KBTBD11: variants seen among roughly 807,000 people sequenced by gnomAD.
The protein encoded by KBTBD11 is kelch repeat and BTB domain containing 11.
For missense variants in KBTBD11, 1,390 were observed against 1,001.8 expected (o/e 1.39, Z -5.23); for synonymous variants, 747 against 499.0 (o/e 1.50, Z -6.63).
chr8:2,001,539 A>T lies in KBTBD11; in HGVS notation c.347A>T (p.Asp116Val). 2.8e-6 allele frequency: 4 copies of T among 1,430,714 alleles called. No individual in the cohort carries two copies. Among genetic ancestry groups the T allele is most frequent in the Non-Finnish European group, 3.6e-6 (4 of 1,097,946 alleles). The allele number at this position is 1,430,714 out of a possible 1,614,324, so 88.6% of individuals were successfully genotyped here. A position where few individuals can be genotyped will look rare whatever the true frequency, so the allele number is the denominator to read the frequency against. Residue 116 changes from aspartate (D) to valine (V), a missense_variant, in exon 2 of 2, where the codon GAC becomes GTC. Physicochemically the swap from Asp to Val is radical, Grantham distance 152. Coordinates refer to ENST00000320248, the MANE Select transcript of KBTBD11 (RefSeq NM_014867.3). ...CCCGAACCGCGCGTTTGGCTTGAGG[A>T]CCCCGCGTCCCCCGAGGAGCCCGGG... The part of the protein sequence containing the change: ...PSPEPRVWLE[D>V]PASPEEPGEP...
chr8:1,987,939 G>C (rs1351530438), intron 1 of KBTBD11, among the ~76,000 whole-genome samples: 1 of 151,992 alleles, frequency 6.6e-6, no homozygotes, highest in Admixed American at 6.6e-5. Context: ...GTTTCCAAGT[G>C]ATTTCATTGT....
chr8:2,001,169 G>A lies in KBTBD11; in HGVS notation c.-24G>A. The A allele has an allele frequency of 2.3e-6, 3 of 1,298,900 alleles. No homozygotes were observed. The highest frequency in any genetic ancestry group is 2.9e-6 in the Non-Finnish European group (3 of 1,024,218). The allele number at this position is 1,298,900 out of a possible 1,614,324, so 80.5% of individuals were successfully genotyped here. ...CAGGCTGCGGAACCGGGGGCGCGCG[G>A]GCGCAGCGCAGCACAGCCCGGCCAT... On this transcript the variant is annotated 5_prime_UTR_variant, in exon 2 of 2. Coordinates refer to ENST00000320248, the MANE Select transcript of KBTBD11 (RefSeq NM_014867.3).
In KBTBD11 at chr8:2,001,159, G is replaced by C. The variant is rs1817328901; in HGVS notation, c.-34G>C. On this transcript the variant is annotated 5_prime_UTR_variant, in exon 2 of 2. Coordinates refer to ENST00000320248, the MANE Select transcript of KBTBD11 (RefSeq NM_014867.3). ...GCCAGACCTGCAGGCTGCGGAACCGGGGGCGCGCGGGCGCAGCGCAGCACA... is the reference window on the plus strand; with the variant it reads ...GCCAGACCTGCAGGCTGCGGAACCGCGGGCGCGCGGGCGCAGCGCAGCACA... 7.7e-7 allele frequency: 1 copy of C among 1,296,260 alleles called. No individual in the cohort carries two copies. The highest frequency in any genetic ancestry group is 9.8e-7 in the Non-Finnish European group (1 of 1,022,976). 80.3% of individuals were successfully genotyped at this position (1,296,260 alleles called of 1,614,324 possible).
rs771092548 is a variant in KBTBD11, at chr8:2,003,013, C to T, written c.1821C>T (p.Phe607=). The T allele has an allele frequency of 1.5e-4, 187 of 1,281,544 alleles. No individual in the cohort carries two copies. In the Middle Eastern group the frequency reaches 3.9e-3, roughly 27 times the overall value. 79.4% of individuals were successfully genotyped at this position (1,281,544 alleles called of 1,614,324 possible). A position where few individuals can be genotyped will look rare whatever the true frequency, so the allele number is the denominator to read the frequency against. The part of the protein sequence containing the change: ...PLDVRGVLIP[F]ALSLPEKPPR... ...ACGTCCGGGGTGTGCTCATCCCGTT[C>T]GCTCTCAGCCTGCCTGAGAAGCCGC... Residue 607 remains phenylalanine (F), a synonymous_variant, in exon 2 of 2, where the codon TTC becomes TTT. Transcript: ENST00000320248.
intron 1 of KBTBD11, among the ~76,000 whole-genome samples, chr8:1,989,242 A>T (rs1032227610): frequency 6.6e-5 from 10 of 152,212 alleles, no homozygotes; most frequent in African/African-American, 2.2e-4. Flanking sequence ...TTCCACCCCA[A>T]GGACACTCAC....
At chr8:1,991,199 C>T (rs1432713261) in intron 1 of KBTBD11, among the ~76,000 whole-genome samples, 1 of 152,352 alleles carries the variant, frequency 6.6e-6, no homozygotes, top group East Asian at 1.9e-4. Flanking sequence ...TGACCTTGTC[C>T]TTGGGAGGCA....
intron 1 of KBTBD11, among the ~76,000 whole-genome samples, chr8:1,977,057 T>A (rs1199992525): frequency 6.6e-6 from 1 of 151,866 alleles, no homozygotes; most frequent in Non-Finnish European, 1.5e-5. Context: ...AACACAGATT[T>A]GTAAACTTTC....
At chr8:1,977,569 G>C (rs1816390497) in intron 1 of KBTBD11, among the ~76,000 whole-genome samples, 1 of 152,124 alleles carries the variant, frequency 6.6e-6, no homozygotes, top group Non-Finnish European at 1.5e-5. Context: ...TGTCATCCAG[G>C]CTGGAATCCA....
intron 1 of KBTBD11, among the ~76,000 whole-genome samples, chr8:1,984,609 AAATG>A (rs1816652010): frequency 6.6e-6 from 1 of 151,926 alleles, no homozygotes; most frequent in Middle Eastern, 3.2e-3. Context: ...AAATGTTTAA[AAATG>A]AATGAAAAGT....
intron 1 of KBTBD11, among the ~76,000 whole-genome samples, chr8:1,996,556 C>G (rs1294346411): frequency 6.6e-6 from 1 of 152,132 alleles, no homozygotes; most frequent in Non-Finnish European, 1.5e-5. Context: ...GCTTGAGCCA[C>G]CGCGCCTGGC....
intron 1 of KBTBD11, among the ~76,000 whole-genome samples, chr8:1,979,898 TC>T (rs1816482832): frequency 1.3e-5 from 2 of 152,084 alleles, no homozygotes; most frequent in African/African-American, 4.8e-5. Flanking sequence ...CTTTGGGGAG[TC>T]CCTCTTCCTT....
chr8:1,979,777 A>T (rs1401081375), intron 1 of KBTBD11, among the ~76,000 whole-genome samples: 1 of 152,250 alleles, frequency 6.6e-6, no homozygotes, highest in Non-Finnish European at 1.5e-5. Flanking sequence ...TGTGTGGCCC[A>T]CGCGGTCCTG....
At position 2,004,038 on chromosome 8, in the gene KBTBD11, T is replaced by C. The variant is rs1817497437; in HGVS notation, c.*974T>C. ...GTGTAGGCACATTTTAAACCCACTG[T>C]ATATGATGTTTTCAATGTGGATCGT... On this transcript the variant is annotated 3_prime_UTR_variant, in exon 2 of 2. Transcript: ENST00000320248. 2 of 166,868 alleles carry C rather than the reference T, an allele frequency of 1.2e-5. No individual in the cohort carries two copies. Among genetic ancestry groups the C allele is most frequent in the Non-Finnish European group, 1.5e-5 (1 of 68,124 alleles). The allele number at this position is 166,868 out of a possible 1,614,324, so 10.3% of individuals were successfully genotyped here.
Position 2,002,501 on chromosome 8 carries a change from C to A in KBTBD11, c.1309C>A (p.Pro437Thr). ...CGACCCGCGCGCCGACCGCTGGGCC[C>A]CCGTGGCGCCGCTGCCCCGGGGCGC... Reference protein sequence around the residue: ...RYDPRADRWAPVAPLPRGAFA... With the variant: ...RYDPRADRWATVAPLPRGAFA... The change falls in exon 2 of 2, where the codon CCC (proline) becomes ACC (threonine). Residue 437 changes from proline (P) to threonine (T), a missense_variant. Physicochemically the swap from Pro to Thr is conservative, Grantham distance 38. Transcript: ENST00000320248. The surrounding 1 kb of genome is among the most constrained non-coding windows in gnomAD (Gnocchi z 4.1). The A allele has an allele frequency of 1.3e-6, 2 of 1,511,812 alleles. No individual in the cohort carries two copies. The highest frequency in any genetic ancestry group is 1.8e-6 in the Non-Finnish European group (2 of 1,139,732). The allele number at this position is 1,511,812 out of a possible 1,614,324, so 93.6% of individuals were successfully genotyped here. A position where few individuals can be genotyped will look rare whatever the true frequency, so the allele number is the denominator to read the frequency against.
intron 1 of KBTBD11, chr8:1,974,270 T>C: frequency 1.0e-6 from 1 of 978,640 alleles, no homozygotes; most frequent in Non-Finnish European, 1.2e-6. Flanking sequence ...CCACAGGCCC[T>C]CCCCCGGGAC....
At chr8:1,997,558 C>G (rs1585752593) in intron 1 of KBTBD11, among the ~76,000 whole-genome samples, 1 of 152,224 alleles carries the variant, frequency 6.6e-6, no homozygotes, top group South Asian at 2.1e-4. Context: ...TGCTGTGAGA[C>G]CATCTCCCGG....
intron 1 of KBTBD11, among the ~76,000 whole-genome samples, chr8:1,978,424 A>G (rs1336557675): frequency 1.3e-5 from 2 of 152,208 alleles, no homozygotes; most frequent in Non-Finnish European, 2.9e-5. Context: ...AGGAGGATTC[A>G]CACACTGGGG....
intron 1 of KBTBD11, among the ~76,000 whole-genome samples, chr8:1,978,363 C>G (rs1292059325): frequency 6.6e-6 from 1 of 152,250 alleles, no homozygotes; most frequent in East Asian, 1.9e-4. Flanking sequence ...AGCTTGAAGG[C>G]CAAGGGCTGG....
rs1009005694 is a variant in KBTBD11, at chr8:2,000,900, C to G, written c.-293C>G. ...CGCGGTCCTGGCGCCAGCTGGAGAT[C>G]CATTCACCAAGACTTTCTGGGCAGA... On this transcript the variant is annotated 5_prime_UTR_variant, in exon 2 of 2. The change creates a new upstream start codon in the 5' untranslated region. Transcript: ENST00000320248. 2.8e-6 allele frequency: 1 copy of G among 352,716 alleles called. No individual in the cohort carries two copies. Among genetic ancestry groups the G allele is most frequent in the Non-Finnish European group, 5.1e-6 (1 of 197,448 alleles). The allele number at this position is 352,716 out of a possible 1,614,324, so 21.8% of individuals were successfully genotyped here.
Sources: allele counts gnomAD v4.1 joint callset (sites outside exome capture counted in the v4.1 genomes callset), GRCh38; gene constraint gnomAD v4.1.1; non-coding constraint Gnocchi (gnomAD v3.1); transcripts MANE v1.5; gene names NCBI Gene and HGNC (gene_info 2026-07-23, HGNC 2026-07-21).